MYO5A: variants seen among roughly 807,000 people sequenced by gnomAD.
MYO5A encodes unconventional myosin-Va.
A neutral mutation model predicts 249.7 loss-of-function variants in MYO5A; 98 were observed. The ratio of observed to expected loss-of-function variants is 0.39; its 90% CI spans 0.33 to 0.46. The LOEUF is 0.46. Among genes scored for constraint, MYO5A ranks in the 20% least tolerant of loss-of-function variants. The pLI is 0.98. For synonymous variants in MYO5A, 778 were observed against 810.6 expected (o/e 0.96, Z 0.68); for missense variants, 1,696 against 2,308.8 (o/e 0.73, Z 5.44).
chr15:52,457,942 TGTC>T lies in MYO5A; in HGVS notation c.28-24660_28-24658del, dbSNP rs372868860. 1.4e-3 allele frequency among the ~76,000 whole-genome samples: 208 copies of T among 152,252 alleles called. 2 individuals are homozygous for T. Among genetic ancestry groups the T allele is most frequent in the East Asian group, 7.1e-3 (37 of 5,184 alleles). On this transcript the variant is annotated intron_variant, in intron 1 of 41. Coordinates refer to ENST00000399233, the MANE Select transcript of MYO5A (RefSeq NM_001382347.1). The stretch of plus-strand genomic sequence containing the variant: ...TCGGCCATAAAAAAGAATAAAATCT[TGTC>T]GTTGCAGCAGCATGGATGAAACTGG...
intron 1 of MYO5A, among the ~76,000 whole-genome samples, chr15:52,498,741 T>G (rs1172653590): frequency 1.3e-5 from 2 of 152,254 alleles, no homozygotes; most frequent in Non-Finnish European, 2.9e-5. Flanking sequence ...GGCCTATTAA[T>G]GTCCTTTTGA....
intron 1 of MYO5A, chr15:52,505,722 A>G: frequency 2.1e-6 from 3 of 1,395,682 alleles, no homozygotes; most frequent in Non-Finnish European, 3.0e-6. Context: ...AACTAGTTCC[A>G]GTGGGATACA....
At chr15:52,515,757 C>T (rs4238392) in intron 1 of MYO5A, among the ~76,000 whole-genome samples, 134,186 of 152,146 alleles carry the variant, frequency 0.88, 59,408 homozygotes, top group African/African-American at 0.95. Flanking sequence ...GAAGAGCAAG[C>T]AGGCTGGAAA....
chr15:52,522,841 TAAAA>T (rs11367026), intron 1 of MYO5A, among the ~76,000 whole-genome samples: 2 of 136,214 alleles, frequency 1.5e-5, no homozygotes, highest in African/African-American at 2.7e-5. Context: ...TTTCATTATT[TAAAA>T]AAAAAAAAAA....
In MYO5A at chr15:52,313,714, G is replaced by A. The variant is rs2037857588; in HGVS notation, c.5625C>T (p.Gly1875=). ...TIQIPASLGL[G]FISRV is the part of the protein sequence containing the mutation. ...ATCACTTTCAGACCCGTGAAATGAA[G>A]CCCAGGCCGAGGCTGGCTGGAATCT... The change falls in exon 42 of 42, where the codon GGC becomes GGT. Residue 1875 remains glycine (G), a synonymous_variant. Transcript: ENST00000399233. 1 of 1,614,050 alleles carries A rather than the reference G, an allele frequency of 6.2e-7. No homozygotes were observed. The highest frequency in any genetic ancestry group is 1.3e-5 in the African/African-American group (1 of 74,920).
chr15:52,379,742 A>C lies in MYO5A; in HGVS notation c.2100-9T>G. On this transcript the variant is annotated splice_polypyrimidine_tract_variant and intron_variant, in intron 17 of 41. Transcript: ENST00000399233. ...ATTCTTGGTAAGTCCACCTATTAAA[A>C]GAAAACCATCTGAGTTTACTTAAAG... 6 of 1,614,180 alleles carry C rather than the reference A, an allele frequency of 3.7e-6. No homozygotes were observed. Among genetic ancestry groups the C allele is most frequent in the Non-Finnish European group, 5.1e-6 (6 of 1,179,976 alleles).
chr15:52,484,732 C>T (rs1307503360), intron 1 of MYO5A, among the ~76,000 whole-genome samples: 1 of 152,108 alleles, frequency 6.6e-6, no homozygotes, highest in East Asian at 1.9e-4. Context: ...GCAACCTCTA[C>T]CTCCCAGGTT....
intron 2 of MYO5A, among the ~76,000 whole-genome samples, chr15:52,430,717 T>A (rs568448161): frequency 2.6e-5 from 4 of 152,318 alleles, no homozygotes; most frequent in African/African-American, 9.6e-5. Context: ...AAATTAAACA[T>A]AGACACTGTA....
Position 52,435,639 on chromosome 15 carries a change from A to G in MYO5A, c.28-2354T>C, listed in dbSNP as rs1287937821. On this transcript the variant is annotated intron_variant, in intron 1 of 41. Coordinates refer to ENST00000399233, the MANE Select transcript of MYO5A (RefSeq NM_001382347.1). ...TCCTATTGGGAAGCTGCTGTGGTAT[A>G]TTGCCATAGTTTCCAAACTACTAGA... is the stretch of plus-strand genomic sequence containing the variant. 5 of 455,630 alleles carry G rather than the reference A, an allele frequency of 1.1e-5. No individual in the cohort carries two copies. In the Admixed American group the frequency reaches 1.2e-4, roughly 11 times the overall value. The allele number at this position is 455,630 out of a possible 1,614,324, so 28.2% of individuals were successfully genotyped here. A position where few individuals can be genotyped will look rare whatever the true frequency, so the allele number is the denominator to read the frequency against.
At chr15:52,519,616 A>T (rs573350015) in intron 1 of MYO5A, among the ~76,000 whole-genome samples, 90 of 61,602 alleles carry the variant, frequency 1.5e-3, no homozygotes, top group African/African-American at 3.5e-3. Context: ...TGTCTAAAAA[A>T]AATAATAATA....
intron 9 of MYO5A, among the ~76,000 whole-genome samples, chr15:52,401,836 C>G (rs188166062): frequency 1.3e-4 from 20 of 152,314 alleles, no homozygotes; most frequent in Non-Finnish European, 2.1e-4. Flanking sequence ...ACTACTGTTT[C>G]AAGTGCTCTG....
chr15:52,520,315 G>C (rs913017172), intron 1 of MYO5A, among the ~76,000 whole-genome samples: 1 of 152,160 alleles, frequency 6.6e-6, no homozygotes, highest in Non-Finnish European at 1.5e-5. Context: ...GGTCTCTGGG[G>C]TGAGCACAGA....
chr15:52,380,381 A>G (rs1269516365), intron 16 of MYO5A, among the ~76,000 whole-genome samples: 1 of 151,946 alleles, frequency 6.6e-6, no homozygotes, highest in Non-Finnish European at 1.5e-5. Flanking sequence ...GGTTGCAGTG[A>G]GCCAAGATCG....
At chr15:52,347,391 C>G (rs2039694085) in intron 29 of MYO5A, among the ~76,000 whole-genome samples, 1 of 152,088 alleles carries the variant, frequency 6.6e-6, no homozygotes, top group Non-Finnish European at 1.5e-5. Context: ...ACTTCAGAAC[C>G]CAGTGGCTTT....
intron 12 of MYO5A, among the ~76,000 whole-genome samples, chr15:52,391,491 T>A (rs1374834973): frequency 1.3e-5 from 2 of 152,170 alleles, no homozygotes; most frequent in East Asian, 1.9e-4. Context: ...ACATGGTGCA[T>A]CTTTAAATAT....
intron 20 of MYO5A, among the ~76,000 whole-genome samples, chr15:52,373,176 A>C (rs950585511): frequency 5.9e-5 from 9 of 152,194 alleles, no homozygotes; most frequent in Non-Finnish European, 1.2e-4. Flanking sequence ...TCCTAAAAAA[A>C]AATGATATTT....
At chr15:52,472,761 A>G (rs2076503397) in intron 1 of MYO5A, among the ~76,000 whole-genome samples, 1 of 152,180 alleles carries the variant, frequency 6.6e-6, no homozygotes, top group East Asian at 1.9e-4. Context: ...CATGGTATAC[A>G]TGTGCCACAT....
chr15:52,504,054 CTTTTTTTT>C (rs71425753), intron 1 of MYO5A, among the ~76,000 whole-genome samples: 1 of 122,994 alleles, frequency 8.1e-6, no homozygotes, highest in Non-Finnish European at 1.7e-5. Flanking sequence ...GTTTCTCCTT[CTTTTTTTT>C]TTTTTTTTTT....
At chr15:52,489,130 C>T (rs1567173547) in intron 1 of MYO5A, among the ~76,000 whole-genome samples, 1 of 152,052 alleles carries the variant, frequency 6.6e-6, no homozygotes. Context: ...GACCAAAGAC[C>T]TAAATGTTAA....
Sources: gnomAD v4.1 joint callset for allele counts (sites outside exome capture counted in the v4.1 genomes callset) on GRCh38, gnomAD v4.1.1 for gene constraint, MANE v1.5 for transcripts, NCBI Gene and HGNC (gene_info 2026-07-23, HGNC 2026-07-21) for gene names.